The following ITGBL1 variants were observed in gnomAD, a reference collection of about 807,000 sequenced individuals.
ITGBL1 encodes the protein integrin subunit beta like 1, also known as integrin beta-like protein 1.
A neutral mutation model predicts 68.5 loss-of-function variants in ITGBL1; 51 were observed. That is an observed-to-expected ratio of 0.74 (90% CI 0.59 to 0.94). The LOEUF (loss-of-function observed/expected upper bound fraction) is 0.94, where lower values mean the gene tolerates loss of function less well. ITGBL1 is among the 40% of genes least tolerant of loss of function. The pLI is 0.00. For synonymous variants in ITGBL1, 209 were observed against 227.3 expected (o/e 0.92, Z 0.72); for missense variants, 649 against 647.4 (o/e 1.00, Z -0.03).
chr13:101,562,913 C>T (rs1315772042), intron 2 of ITGBL1, among the ~76,000 whole-genome samples: 1 of 151,358 alleles, frequency 6.6e-6, no homozygotes, highest in Non-Finnish European at 1.5e-5. Flanking sequence ...TAGAAGCCTT[C>T]AGAAATTTAA....
chr13:101,548,719 GA>G (rs1031721464), intron 2 of ITGBL1, among the ~76,000 whole-genome samples: 2 of 151,470 alleles, frequency 1.3e-5, no homozygotes, highest in Non-Finnish European at 3.0e-5. Context: ...TAAAGCAAAA[GA>G]AAACAAAATA....
chr13:101,567,561 T>C, intron 2 of ITGBL1, 138 bp from the exon 3 acceptor site: 1 of 650,202 alleles, frequency 1.5e-6, no homozygotes, highest in Non-Finnish European at 2.6e-6. Context: ...GCATTACCCC[T>C]CAGCCACTGC....
At chr13:101,479,169 C>G (rs188397773) in intron 2 of ITGBL1, among the ~76,000 whole-genome samples, 150 of 147,140 alleles carry the variant, frequency 1.0e-3, no homozygotes, top group African/African-American at 3.6e-3. Flanking sequence ...TCTACAGTGA[C>G]CTCATTTTTT....
intron 2 of ITGBL1, among the ~76,000 whole-genome samples, chr13:101,502,476 T>C (rs1037032734): frequency 3.9e-5 from 6 of 152,198 alleles, no homozygotes; most frequent in African/African-American, 1.4e-4. Flanking sequence ...GTCAAATCTT[T>C]TCCATCTGAA....
At chr13:101,594,789 G>A (rs955655656) in intron 6 of ITGBL1, among the ~76,000 whole-genome samples, 1 of 152,000 alleles carries the variant, frequency 6.6e-6, no homozygotes. Flanking sequence ...AATTTATTTT[G>A]GGCCAGGCAC....
At chr13:101,670,739 C>T (rs2033338406) in intron 7 of ITGBL1, among the ~76,000 whole-genome samples, 2 of 152,272 alleles carry the variant, frequency 1.3e-5, no homozygotes, top group Admixed American at 6.5e-5. Flanking sequence ...ATGTGTCTCT[C>T]ATCTTATGAA....
chr13:101,579,376 G>C lies in ITGBL1; in HGVS notation c.676G>C (p.Glu226Gln), dbSNP rs1438830175. 6.2e-7 allele frequency: 1 copy of C among 1,613,878 alleles called. No individual in the cohort carries two copies. The highest frequency in any genetic ancestry group is 2.2e-5 in the East Asian group (1 of 44,842). Reference sequence around the variant, plus strand: ...ATTCCAGTGCGATATCACCCCCTGGGAAAGCAAGCGAAGATGCACGTCTCC... The same window carrying C: ...ATTCCAGTGCGATATCACCCCCTGGCAAAGCAAGCGAAGATGCACGTCTCC... ...CEFQCDITPW[E>Q]SKRRCTSPDG... Residue 226 changes from glutamate to glutamine, a missense_variant, in exon 5 of 11, where the codon GAA (glutamate) becomes CAA (glutamine). Glu to Gln is a conservative substitution (Grantham distance 29, BLOSUM62 2). Coordinates refer to ENST00000376180, the MANE Select transcript of ITGBL1 (RefSeq NM_004791.3).
intron 2 of ITGBL1, among the ~76,000 whole-genome samples, chr13:101,497,890 A>G (rs2048880452): frequency 6.6e-6 from 1 of 150,928 alleles, no homozygotes; most frequent in Admixed American, 6.6e-5. Context: ...TCGGGCCACT[A>G]CAACATTCTC....
At chr13:101,678,183 C>T (rs2033551337) in intron 7 of ITGBL1, among the ~76,000 whole-genome samples, 1 of 152,190 alleles carries the variant, frequency 6.6e-6, no homozygotes, top group Admixed American at 6.5e-5. Flanking sequence ...TTCGCATGTA[C>T]ATACATTCTC....
In ITGBL1 at chr13:101,452,675, A is replaced by G; in HGVS notation, c.-159A>G. Reference sequence around the variant, plus strand: ...ATCCTCGCAGGCAGCTCATCAACGCAATTGCAACTCCGGCTGGAGCCCCGG... The same window carrying G: ...ATCCTCGCAGGCAGCTCATCAACGCGATTGCAACTCCGGCTGGAGCCCCGG... On this transcript the variant is annotated 5_prime_UTR_variant, in exon 1 of 11. Coordinates refer to ENST00000376180, the MANE Select transcript of ITGBL1 (RefSeq NM_004791.3). 1 of 634,484 alleles carries G rather than the reference A, an allele frequency of 1.6e-6. No individual in the cohort carries two copies. Among genetic ancestry groups the G allele is most frequent in the South Asian group, 1.8e-5 (1 of 54,316 alleles). 39.3% of individuals were successfully genotyped at this position (634,484 alleles called of 1,614,324 possible).
chr13:101,616,436 C>A (rs898612363), intron 7 of ITGBL1, among the ~76,000 whole-genome samples: 2 of 152,080 alleles, frequency 1.3e-5, no homozygotes, highest in Non-Finnish European at 2.9e-5. Context: ...ATAAGTTGCT[C>A]AGAACTCTGA....
At chr13:101,674,935 T>G (rs2033464973) in intron 7 of ITGBL1, among the ~76,000 whole-genome samples, 1 of 152,112 alleles carries the variant, frequency 6.6e-6, no homozygotes, top group African/African-American at 2.4e-5. Flanking sequence ...TGATCTTTTA[T>G]CTAATATGTG....
At chr13:101,648,123 A>G (rs2032622602) in intron 7 of ITGBL1, among the ~76,000 whole-genome samples, 1 of 152,156 alleles carries the variant, frequency 6.6e-6, no homozygotes, top group Admixed American at 6.6e-5. Context: ...AATAGGATAA[A>G]TTATTTCAGG....
At chr13:101,634,746 A>G (rs546822919) in intron 7 of ITGBL1, among the ~76,000 whole-genome samples, 5 of 152,236 alleles carry the variant, frequency 3.3e-5, no homozygotes, top group Admixed American at 6.5e-5. Context: ...TAAACAAGAA[A>G]CAAAGGAATT....
chr13:101,598,224 C>A lies in ITGBL1; in HGVS notation c.940C>A (p.Gln314Lys). Residue 314 changes from glutamine to lysine, a missense_variant, in exon 7 of 11, where the codon CAG becomes AAG. Gln to Lys is a moderately conservative substitution (Grantham distance 53). Transcript: ENST00000376180. Reference sequence around the variant, plus strand: ...GTATGGGAAGAAGTGTGAGCACCCACAGTCCTGCACGCTGTCAGCTGAGGA... The same window carrying A: ...GTATGGGAAGAAGTGTGAGCACCCAAAGTCCTGCACGCTGTCAGCTGAGGA... ...GWYGKKCEHP[Q>K]SCTLSAEESI... 6.2e-7 allele frequency: 1 copy of A among 1,613,844 alleles called. No individual in the cohort carries two copies. Among genetic ancestry groups the A allele is most frequent in the East Asian group, 2.2e-5 (1 of 44,802 alleles).
chr13:101,538,571 A>G (rs1480902317), intron 2 of ITGBL1, among the ~76,000 whole-genome samples: 1 of 152,164 alleles, frequency 6.6e-6, no homozygotes, highest in African/African-American at 2.4e-5. Flanking sequence ...TTTGAAAAAC[A>G]TAACACGAAC....
chr13:101,581,531 A>G (rs1035761394), intron 5 of ITGBL1, among the ~76,000 whole-genome samples: 5 of 152,082 alleles, frequency 3.3e-5, no homozygotes, highest in Non-Finnish European at 7.4e-5. Flanking sequence ...AAATCAAATC[A>G]TACTGCACGT....
chr13:101,720,270 C>G (rs1045513679), downstream of ITGBL1: 1 of 152,022 alleles, frequency 6.6e-6, no homozygotes, highest in Admixed American at 6.6e-5. Flanking sequence ...AATGACCTAA[C>G]TCAATTACAA....
chr13:101,548,082 A>ATAT (rs1158975831), intron 2 of ITGBL1, among the ~76,000 whole-genome samples: 6 of 48,032 alleles, frequency 1.2e-4, no homozygotes, highest in Admixed American at 9.4e-4. Flanking sequence ...TCACAGATAA[A>ATAT]CATAAAACTT....
Sources: allele counts gnomAD v4.1 joint callset (sites outside exome capture counted in the v4.1 genomes callset), GRCh38; gene constraint gnomAD v4.1.1; transcripts MANE v1.5; gene names NCBI Gene and HGNC (gene_info 2026-07-23, HGNC 2026-07-21).